Variants in TRPM8 observed in about 807,000 individuals in gnomAD.
TRPM8 encodes TRPM8 cationic channel.
A neutral mutation model predicts 133.7 loss-of-function variants in TRPM8; 110 were observed. That is an observed-to-expected ratio of 0.82 (90% CI 0.70 to 0.96). The LOEUF (loss-of-function observed/expected upper bound fraction) is 0.96. TRPM8 is among the 40% of genes least tolerant of loss of function. The pLI, the probability that TRPM8 is intolerant of heterozygous loss-of-function variation, is 0.00. For missense variants in TRPM8, 1,291 were observed against 1,379.5 expected (o/e 0.94, Z 1.02); for synonymous variants, 535 against 532.3 (o/e 1.01, Z -0.07).
intron 1 of TRPM8, among the ~76,000 whole-genome samples, chr2:233,924,622 T>C (rs1303072646): frequency 6.6e-6 from 1 of 152,178 alleles, no homozygotes; most frequent in East Asian, 1.9e-4. Flanking sequence ...TACCAGCTGC[T>C]GAGAAAGGCA....
intron 15 of TRPM8, 21 bp downstream of exon 15, chr2:233,966,776 A>G (rs775681943): frequency 1.1e-5 from 17 of 1,513,252 alleles, no homozygotes; most frequent in Non-Finnish European, 1.5e-5. Flanking sequence ...CTCAGCCACC[A>G]GACCACACGG....
At chr2:234,007,029 G>A in intron 23 of TRPM8, 77 bp downstream of exon 23, 2 of 1,048,092 alleles carry the variant, frequency 1.9e-6, no homozygotes, top group East Asian at 2.5e-5. Flanking sequence ...CAGCTTATTT[G>A]AGCAAACTCA....
chr2:233,943,744 C>A (rs896651916), intron 6 of TRPM8, among the ~76,000 whole-genome samples: 4 of 152,164 alleles, frequency 2.6e-5, no homozygotes, highest in African/African-American at 9.7e-5. Context: ...AACAACATTT[C>A]TAGTAGTTGA....
chr2:233,953,870 C>T (rs781579244), intron 9 of TRPM8, 47 bp from the exon 10 acceptor site: 28 of 1,469,128 alleles, frequency 1.9e-5, no homozygotes, highest in Non-Finnish European at 2.2e-5. Context: ...TTATGCTCCT[C>T]ATGCCTAAAA....
intron 23 of TRPM8, among the ~76,000 whole-genome samples, chr2:234,007,462 G>T (rs1692723165): frequency 6.6e-6 from 1 of 152,226 alleles, no homozygotes; most frequent in African/African-American, 2.4e-5. Flanking sequence ...TAAAATCCAT[G>T]TGATTAAGAA....
chr2:233,930,798 AC>A, intron 3 of TRPM8, 57 bp downstream of exon 3: 1 of 1,185,196 alleles, frequency 8.4e-7, no homozygotes, highest in Non-Finnish European at 1.2e-6. Context: ...ATTATCAGCC[AC>A]CCTTACAACA....
At chr2:233,958,256 G>T (rs1259507403) in intron 11 of TRPM8, among the ~76,000 whole-genome samples, 2 of 152,072 alleles carry the variant, frequency 1.3e-5, no homozygotes, top group Admixed American at 6.6e-5. Context: ...TTTCATCCTC[G>T]CAACCATCTA....
At chr2:233,927,912 C>T (rs3952145) in intron 2 of TRPM8, among the ~76,000 whole-genome samples, 2,929 of 27,174 alleles carry the variant, frequency 0.11, 232 homozygotes, top group East Asian at 0.3. Context: ...CTTTCTTTCT[C>T]TCTCTCTCTC....
intron 22 of TRPM8, among the ~76,000 whole-genome samples, chr2:234,000,721 C>T (rs1006995043): frequency 4.6e-5 from 7 of 151,398 alleles, no homozygotes; most frequent in Admixed American, 1.3e-4. Flanking sequence ...CTCTGTCCCC[C>T]AGGCTGGAGT....
chr2:233,933,703 C>T (rs1248451668), intron 3 of TRPM8: 1 of 153,948 alleles, frequency 6.5e-6, no homozygotes, highest in Non-Finnish European at 1.5e-5. Flanking sequence ...AGTTTGTTTT[C>T]AGTTATAGCA....
At chr2:233,964,786 G>A (rs1691525390) in intron 14 of TRPM8, 29 bp downstream of exon 14, 2 of 1,583,014 alleles carry the variant, frequency 1.3e-6, no homozygotes, top group South Asian at 1.1e-5. Flanking sequence ...ATGCTGTGGT[G>A]GGCGCGGATC....
intron 17 of TRPM8, among the ~76,000 whole-genome samples, chr2:233,975,930 A>C (rs948269152): frequency 6.6e-6 from 1 of 152,206 alleles, no homozygotes; most frequent in Admixed American, 6.5e-5. Context: ...AACAAAAAAC[A>C]CACACACAAA....
intron 14 of TRPM8, among the ~76,000 whole-genome samples, chr2:233,965,711 G>A (rs896865738): frequency 2.6e-5 from 4 of 151,924 alleles, no homozygotes; most frequent in Admixed American, 2.6e-4. Context: ...AAATTTCAAA[G>A]CAGTTTATTT....
chr2:233,946,114 A>C (rs1235340413), intron 7 of TRPM8, 84 bp downstream of exon 7: 1 of 1,343,840 alleles, frequency 7.4e-7, no homozygotes, highest in Non-Finnish European at 1.0e-6. Context: ...CCAACTATTG[A>C]GTGATGCGTG....
Position 233,926,589 on chromosome 2 carries a change from C to G in TRPM8, c.52C>G (p.Leu18Val). Residue 18 changes from leucine to valine, a missense_variant, in exon 2 of 26, where the codon CTG becomes GTG. Leu to Val is a conservative substitution (Grantham distance 32). Around this residue, in one of 2 missense-constraint regions of TRPM8, gnomAD observed 963 missense variants for 968.9 expected, o/e 0.99. Coordinates refer to ENST00000324695, the MANE Select transcript of TRPM8 (RefSeq NM_024080.5). Reference protein sequence around the residue: ...LSMRNRRNDTLDSTRTLYSSA... With the variant: ...LSMRNRRNDTVDSTRTLYSSA... ...CATGAGGAACAGAAGGAATGACACT[C>G]TGGACAGCACCCGGACCCTGTACTC... is the stretch of plus-strand genomic sequence containing the variant. The G allele has an allele frequency of 1.2e-6, 2 of 1,614,022 alleles. No homozygotes were observed. Among genetic ancestry groups the G allele is most frequent in the East Asian group, 2.2e-5 (1 of 44,884 alleles).
intron 11 of TRPM8, among the ~76,000 whole-genome samples, chr2:233,959,323 GC>G (rs1559529021): frequency 7.8e-6 from 1 of 127,802 alleles, no homozygotes. Context: ...ACCTCGCCCA[GC>G]CTTTTTTTTT....
At chr2:233,918,776 C>G (rs1482985441) in intron 1 of TRPM8, among the ~76,000 whole-genome samples, 1 of 152,174 alleles carries the variant, frequency 6.6e-6, no homozygotes, top group African/African-American at 2.4e-5. Context: ...GCCTAGTGAC[C>G]TTTTCAGGTA....
At chr2:233,997,167 G>A (rs568435789) in intron 22 of TRPM8, among the ~76,000 whole-genome samples, 5 of 152,074 alleles carry the variant, frequency 3.3e-5, no homozygotes, top group Admixed American at 1.3e-4. Flanking sequence ...CCAGCTACTC[G>A]GGAGGCTGAG....
At chr2:234,013,373 A>G (rs886841846) in intron 24 of TRPM8, 1 of 152,000 alleles carries the variant, frequency 6.6e-6, no homozygotes, top group Non-Finnish European at 1.5e-5. Context: ...TAAGTTGTAC[A>G]TTTCTGGGAT....
Sources: allele counts gnomAD v4.1 joint callset (sites outside exome capture counted in the v4.1 genomes callset), GRCh38; gene constraint gnomAD v4.1.1; regional missense constraint gnomAD v4.1.1; transcripts MANE v1.5; gene names NCBI Gene and HGNC (gene_info 2026-07-23, HGNC 2026-07-21).